The following GRIK3 variants were observed in gnomAD, a reference collection of about 807,000 sequenced individuals.
GRIK3 encodes glutamate ionotropic receptor kainate type subunit 3.
Under a neutral mutation model 102.5 loss-of-function variants are expected in GRIK3, and 29 were observed. The observed-to-expected ratio is 0.28, with a 90% CI of 0.21 to 0.39. The LOEUF (loss-of-function observed/expected upper bound fraction) is 0.39, where lower values mean the gene tolerates loss of function less well. Among genes scored for constraint, GRIK3 ranks in the 10% least tolerant of loss-of-function variants. The probability of loss-of-function intolerance (pLI) is 1.00; values close to 1 mark genes in which losing one functional copy is unlikely to be tolerated. For synonymous variants in GRIK3, 511 were observed against 504.9 expected, an observed-to-expected ratio of 1.01 and a Z score of -0.16; for missense variants, 908 against 1,252.4, an observed-to-expected ratio of 0.73 and a Z score of 4.15.
chr1:36,963,352 G>A (rs963648134), intron 1 of GRIK3, among the ~76,000 whole-genome samples: 3 of 152,218 alleles, frequency 2.0e-5, no homozygotes, highest in Admixed American at 6.5e-5. Flanking sequence ...CAGGACACTC[G>A]AGACGCCAGG....
At chr1:36,866,669 T>G (rs1031999610) in intron 5 of GRIK3, among the ~76,000 whole-genome samples, 2 of 152,242 alleles carry the variant, frequency 1.3e-5, no homozygotes, top group Non-Finnish European at 2.9e-5. Context: ...CTGTCACCAC[T>G]GTATAGATGA....
chr1:37,025,653 G>A (rs1344919039), intron 1 of GRIK3, among the ~76,000 whole-genome samples: 2 of 152,194 alleles, frequency 1.3e-5, no homozygotes, highest in Admixed American at 6.5e-5. Flanking sequence ...CTTTGCAGAA[G>A]TCTCCCTCAT....
At chr1:36,889,722 T>C (rs780779639) in intron 2 of GRIK3, among the ~76,000 whole-genome samples, 7 of 152,128 alleles carry the variant, frequency 4.6e-5, no homozygotes, top group Non-Finnish European at 8.8e-5. Flanking sequence ...TGGGGTTCCC[T>C]GCCTGGCTGG....
intron 1 of GRIK3, among the ~76,000 whole-genome samples, chr1:37,027,605 G>T (rs507460): frequency 1.3e-5 from 2 of 152,008 alleles, no homozygotes; most frequent in Non-Finnish European, 2.9e-5. Flanking sequence ...AAACGCTCAA[G>T]TGTGGACAGC....
rs1240901812 is a variant in GRIK3 at position 36,806,409 on chromosome 1, G to A, written c.2092-83C>T. 2 of 806,734 alleles carry A rather than the reference G, an allele frequency of 2.5e-6. No homozygotes were observed. The highest frequency in any genetic ancestry group is 3.3e-5 in the South Asian group (2 of 60,490). The allele number at this position is 806,734 out of a possible 1,614,324, so 50.0% of individuals were successfully genotyped here. On this transcript the variant is annotated intron_variant, in intron 13 of 15. Coordinates refer to ENST00000373091, the MANE Select transcript of GRIK3 (RefSeq NM_000831.4). The surrounding 1 kb of genome is among the most constrained non-coding windows in gnomAD (Gnocchi z 4.0). ...GCACCGCATACCCTGCACAACGTGGGTTGGGGCCTTGAACTCGGTCTACAA... is the reference window on the plus strand; with the variant it reads ...GCACCGCATACCCTGCACAACGTGGATTGGGGCCTTGAACTCGGTCTACAA...
rs1158293143 is a variant in GRIK3 at position 36,806,880 on chromosome 1, CTG to C, written c.2092-556_2092-555del. On this transcript the variant is annotated intron_variant, in intron 13 of 15. Coordinates refer to ENST00000373091, the MANE Select transcript of GRIK3 (RefSeq NM_000831.4). This position sits in a 1 kb window ranked among gnomAD's most constrained non-coding sequence, Gnocchi z 4.0. ...CAGCTGCCCTGCCTCACAGAAACCA[CTG>C]TGAGGGTGGAGGGGGAGAGACAGCT... 1.3e-5 allele frequency among the ~76,000 whole-genome samples: 2 copies of C among 152,208 alleles called. No individual in the cohort carries two copies. Among genetic ancestry groups the C allele is most frequent in the Non-Finnish European group, 2.9e-5 (2 of 68,032 alleles).
intron 1 of GRIK3, among the ~76,000 whole-genome samples, chr1:36,994,948 C>T (rs990435436): frequency 2.6e-5 from 4 of 152,156 alleles, no homozygotes; most frequent in Non-Finnish European, 5.9e-5. Context: ...TCATTCAGCC[C>T]GGTGAGAGAC....
At chr1:36,984,339 T>G (rs887361145) in intron 1 of GRIK3, among the ~76,000 whole-genome samples, 2 of 152,182 alleles carry the variant, frequency 1.3e-5, no homozygotes, top group Non-Finnish European at 2.9e-5. Flanking sequence ...CCTACCACAT[T>G]CACATCCCTC....
intron 15 of GRIK3, among the ~76,000 whole-genome samples, chr1:36,804,173 C>A (rs552928005): frequency 1.2e-4 from 19 of 152,316 alleles, no homozygotes; most frequent in African/African-American, 3.8e-4. Flanking sequence ...TCGTTTTTTA[C>A]GGATATGTAA....
chr1:36,949,195 C>T lies in GRIK3; in HGVS notation c.116-58099G>A, dbSNP rs372365260. ...CTTGGGCCCTGGCCCCAGACACAGA[C>T]CTGGTTCCTTTCTCAACTTCATCTT... On this transcript the variant is annotated intron_variant, in intron 1 of 15. Coordinates refer to ENST00000373091, the MANE Select transcript of GRIK3 (RefSeq NM_000831.4). 2.2e-4 allele frequency among the ~76,000 whole-genome samples: 34 copies of T among 152,338 alleles called. 2 individuals are homozygous for T. The highest frequency in any genetic ancestry group is 8.2e-4 in the African/African-American group (34 of 41,568).
At chr1:36,928,728 C>T (rs1641556482) in intron 1 of GRIK3, among the ~76,000 whole-genome samples, 1 of 152,200 alleles carries the variant, frequency 6.6e-6, no homozygotes, top group African/African-American at 2.4e-5. Context: ...AAAAATCCCC[C>T]CAAACTTCTT....
chr1:36,842,902 C>A (rs1217443767), intron 9 of GRIK3, among the ~76,000 whole-genome samples: 1 of 152,128 alleles, frequency 6.6e-6, no homozygotes, highest in African/African-American at 2.4e-5. Flanking sequence ...GTGCCTGAGG[C>A]CCATGGTGCT....
intron 2 of GRIK3, among the ~76,000 whole-genome samples, chr1:36,882,553 C>T (rs1640993207): frequency 6.6e-6 from 1 of 152,228 alleles, no homozygotes; most frequent in Non-Finnish European, 1.5e-5. Context: ...TTTCCACTGT[C>T]AACCCATTGG....
intron 11 of GRIK3, among the ~76,000 whole-genome samples, chr1:36,824,694 C>T (rs1570745348): frequency 6.6e-6 from 1 of 152,114 alleles, no homozygotes; most frequent in East Asian, 1.9e-4. Flanking sequence ...GGGGCTGGGG[C>T]TGGAGCCCAG....
chr1:36,906,381 G>A lies in GRIK3; in HGVS notation c.116-15285C>T, dbSNP rs148795846. The stretch of plus-strand genomic sequence containing the variant: ...TGCAAGATGGGGTACACATCTCAGA[G>A]GGCTGATTATTGTGAGGAAGACATA... On this transcript the variant is annotated intron_variant, in intron 1 of 15. Transcript: ENST00000373091. 4.6e-5 allele frequency among the ~76,000 whole-genome samples: 7 copies of A among 152,340 alleles called. No individual in the cohort carries two copies. The East Asian group carries it at 1.2e-3, about 25-fold the overall frequency.
chr1:36,916,802 G>A (rs1283192012), intron 1 of GRIK3, among the ~76,000 whole-genome samples: 1 of 152,132 alleles, frequency 6.6e-6, no homozygotes, highest in Non-Finnish European at 1.5e-5. Context: ...GCAGGGGTGG[G>A]GCCCTCATGG....
intron 1 of GRIK3, among the ~76,000 whole-genome samples, chr1:36,967,508 CA>C (rs1642093207): frequency 6.6e-6 from 1 of 152,158 alleles, no homozygotes; most frequent in Non-Finnish European, 1.5e-5. Flanking sequence ...ACACTGACAC[CA>C]GGAAGCAGAA....
chr1:36,906,597 A>C (rs999536362), intron 1 of GRIK3, among the ~76,000 whole-genome samples: 1 of 152,166 alleles, frequency 6.6e-6, no homozygotes, highest in Non-Finnish European at 1.5e-5. Flanking sequence ...CTTTGTCTGC[A>C]AAGGATCGGA....
chr1:36,957,296 C>CCTGTGTGCCCCAT (rs1557440114), intron 1 of GRIK3, among the ~76,000 whole-genome samples: 4 of 43,986 alleles, frequency 9.1e-5, no homozygotes, highest in African/African-American at 1.7e-4. Flanking sequence ...GTGTGCCCCA[C>CCTGTGTGCCCCAT]GAGCCCGTGT....
Sources: allele counts gnomAD v4.1 joint callset (sites outside exome capture counted in the v4.1 genomes callset), GRCh38; gene constraint gnomAD v4.1.1; non-coding constraint Gnocchi (gnomAD v3.1); transcripts MANE v1.5; gene names NCBI Gene and HGNC (gene_info 2026-07-23, HGNC 2026-07-21).